KALRN: variants seen among roughly 807,000 people sequenced by gnomAD.
KALRN encodes kalirin RhoGEF kinase, also known as kalirin.
A neutral mutation model predicts 353.7 loss-of-function variants in KALRN; 70 were observed. The ratio of observed to expected loss-of-function variants is 0.20; its 90% confidence interval spans 0.16 to 0.24. The LOEUF is 0.24. KALRN is among the 10% of genes least tolerant of loss of function. The pLI is 1.00. For synonymous variants in KALRN, 1,391 were observed against 1,434.8 expected, an observed-to-expected ratio of 0.97 and a Z score of 0.69; for missense variants, 2,791 against 3,756.7, an observed-to-expected ratio of 0.74 and a Z score of 6.72.
chr3:124,294,281 C>T lies in KALRN; in HGVS notation c.970-4510C>T, dbSNP rs531377471. On this transcript the variant is annotated intron_variant, in intron 5 of 59. Coordinates refer to ENST00000682506, the MANE Select transcript of KALRN (RefSeq NM_001388419.1). Reference sequence around the variant, plus strand: ...ACAGCCATATGAGTGGGAGGCAGGGCGGTGTCCCCAAAGCATGGCTCAGTG... The same window carrying T: ...ACAGCCATATGAGTGGGAGGCAGGGTGGTGTCCCCAAAGCATGGCTCAGTG... Among the ~76,000 whole-genome samples the T allele has an allele frequency of 1.2e-3, 186 of 151,992 alleles. 1 individual carries two copies. Among genetic ancestry groups the T allele is most frequent in the South Asian group, 5.4e-3 (26 of 4,772 alleles).
chr3:124,223,623 T>C (rs917982216), intron 1 of KALRN, among the ~76,000 whole-genome samples: 1 of 152,212 alleles, frequency 6.6e-6, no homozygotes, highest in South Asian at 2.1e-4. Flanking sequence ...AAACGCCCAC[T>C]CTGTTGTTTG....
chr3:124,083,216 G>A (rs1483212752), intron 1 of KALRN, among the ~76,000 whole-genome samples: 1 of 152,210 alleles, frequency 6.6e-6, no homozygotes, highest in Non-Finnish European at 1.5e-5. Flanking sequence ...CATATTTATT[G>A]AGTGACTTCT....
At chr3:124,458,554 C>T (rs920592844) in intron 23 of KALRN, among the ~76,000 whole-genome samples, 1 of 152,128 alleles carries the variant, frequency 6.6e-6, no homozygotes, top group Non-Finnish European at 1.5e-5. Flanking sequence ...ATTGTAGACT[C>T]CTTGAAAACA....
intron 32 of KALRN, among the ~76,000 whole-genome samples, chr3:124,493,623 G>T (rs2108487628): frequency 1.3e-5 from 2 of 152,324 alleles, no homozygotes; most frequent in Non-Finnish European, 2.9e-5. Flanking sequence ...GTGATAACAG[G>T]TTCTTCCCTC....
chr3:124,546,484 GAGAA>G (rs140255191), intron 33 of KALRN, among the ~76,000 whole-genome samples: 6,526 of 152,000 alleles, frequency 0.043, 173 homozygotes, highest in Middle Eastern at 0.085. Context: ...GTGAGAGAGA[GAGAA>G]AGAAAGAAAG....
intron 58 of KALRN, among the ~76,000 whole-genome samples, chr3:124,713,784 G>T (rs1023398928): frequency 4.6e-5 from 7 of 152,160 alleles, no homozygotes; most frequent in Non-Finnish European, 7.4e-5. Flanking sequence ...AGTGATACAA[G>T]TAACAGAAAT....
At chr3:124,502,498 T>A (rs1240268750) in intron 33 of KALRN, among the ~76,000 whole-genome samples, 1 of 152,032 alleles carries the variant, frequency 6.6e-6, no homozygotes, top group Non-Finnish European at 1.5e-5. Flanking sequence ...GGAGGAAATG[T>A]GATGTAAAAG....
intron 1 of KALRN, among the ~76,000 whole-genome samples, chr3:124,087,925 G>A (rs2060908654): frequency 6.6e-6 from 1 of 152,166 alleles, no homozygotes; most frequent in Admixed American, 6.5e-5. Context: ...TGTGTAAGAT[G>A]AGTTACAGTA....
intron 13 of KALRN, among the ~76,000 whole-genome samples, chr3:124,405,903 C>A (rs1486412083): frequency 1.3e-5 from 2 of 152,106 alleles, no homozygotes; most frequent in African/African-American, 4.8e-5. Context: ...CTCGGCCTCC[C>A]AAAGTACTGG....
rs530649835 is a variant in KALRN, at chr3:124,677,502, A to G, written c.7194-688A>G. The G allele has an allele frequency of 6.5e-4, 289 of 444,154 alleles. 2 individuals carry two copies. Among genetic ancestry groups the G allele is most frequent in the South Asian group, 2.8e-3 (169 of 61,434 alleles). 27.5% of individuals were successfully genotyped at this position (444,154 alleles called of 1,614,324 possible). On this transcript the variant is annotated intron_variant, in intron 49 of 59. Coordinates refer to ENST00000682506, the MANE Select transcript of KALRN (RefSeq NM_001388419.1). ...GGAGCACACATTAGTTCTTGTCCCA[A>G]TAGGGAAGCTCTAGGACCTCTACAG...
chr3:124,521,028 G>A (rs1308920599), intron 33 of KALRN, among the ~76,000 whole-genome samples: 2 of 152,184 alleles, frequency 1.3e-5, no homozygotes, highest in Admixed American at 1.3e-4. Context: ...TCCCACAGGT[G>A]TTCACATCAA....
intron 33 of KALRN, chr3:124,519,614 A>G (rs535269961): frequency 5.1e-6 from 5 of 985,354 alleles, no homozygotes; most frequent in Admixed American, 1.2e-4. Context: ...GTATCTCACA[A>G]TCTTATTGTG....
At chr3:124,210,461 T>C (rs2076808566) in intron 1 of KALRN, among the ~76,000 whole-genome samples, 1 of 152,186 alleles carries the variant, frequency 6.6e-6, no homozygotes, top group Non-Finnish European at 1.5e-5. Flanking sequence ...AAGGTTCTCA[T>C]TTCTCCTCTG....
intron 3 of KALRN, among the ~76,000 whole-genome samples, chr3:124,249,676 C>T (rs2070843516): frequency 1.3e-5 from 2 of 152,102 alleles, no homozygotes; most frequent in African/African-American, 4.8e-5. Context: ...TGGAGGGATT[C>T]TTCCACCCTA....
At chr3:124,713,636 ATAC>A (rs2062995922) in intron 58 of KALRN, among the ~76,000 whole-genome samples, 1 of 152,206 alleles carries the variant, frequency 6.6e-6, no homozygotes, top group Non-Finnish European at 1.5e-5. Context: ...AGGCAACCAT[ATAC>A]GTGACCCCTA....
chr3:124,388,136 T>C (rs1344922914), intron 11 of KALRN, among the ~76,000 whole-genome samples: 2 of 152,126 alleles, frequency 1.3e-5, no homozygotes, highest in Non-Finnish European at 2.9e-5. Context: ...AGATCTATTT[T>C]CTTATGCTTT....
At chr3:124,108,201 G>A (rs1254162648) in intron 1 of KALRN, among the ~76,000 whole-genome samples, 2 of 152,164 alleles carry the variant, frequency 1.3e-5, no homozygotes, top group Admixed American at 1.3e-4. Context: ...TGCCCTGGGG[G>A]TAGTGATTCT....
At chr3:124,660,229 G>A (rs1051941887) in intron 43 of KALRN, among the ~76,000 whole-genome samples, 4 of 152,066 alleles carry the variant, frequency 2.6e-5, no homozygotes, top group Admixed American at 6.6e-5. Flanking sequence ...CACTGTGCCC[G>A]GCCTAATTAT....
chr3:124,186,536 G>A (rs1470810216), intron 1 of KALRN, among the ~76,000 whole-genome samples: 1 of 152,186 alleles, frequency 6.6e-6, no homozygotes, highest in Admixed American at 6.5e-5. Context: ...AAGTTCCAGA[G>A]GTGAGACCTT....
Sources: gnomAD v4.1 joint callset for allele counts (sites outside exome capture counted in the v4.1 genomes callset) on GRCh38, gnomAD v4.1.1 for gene constraint, MANE v1.5 for transcripts, NCBI Gene and HGNC (gene_info 2026-07-23, HGNC 2026-07-21) for gene names.